Variants in PCDHA8 observed in about 807,000 individuals in gnomAD.
The protein encoded by PCDHA8 is protocadherin alpha-8.
A neutral mutation model predicts 61.8 loss-of-function variants in PCDHA8; 53 were observed. The observed-to-expected ratio is 0.86, with a 90% CI of 0.69 to 1.08. The LOEUF (loss-of-function observed/expected upper bound fraction) is 1.08, where lower values mean the gene tolerates loss of function less well. Ranked by LOEUF, PCDHA8 falls within the 50% of genes least tolerant of loss-of-function variation. The probability of loss-of-function intolerance (pLI) is 0.00; values close to 1 mark genes in which losing one functional copy is unlikely to be tolerated. For synonymous variants in PCDHA8, 618 were observed against 556.6 expected (o/e 1.11, Z -1.55); for missense variants, 1,293 against 1,245.0 (o/e 1.04, Z -0.58).
At chr5:140,900,058 C>G (rs1013599044) in intron 1 of PCDHA8, among the ~76,000 whole-genome samples, 1 of 152,160 alleles carries the variant, frequency 6.6e-6, no homozygotes, top group Non-Finnish European at 1.5e-5. Flanking sequence ...GATCCTTTAA[C>G]CTCAGCCTCC....
chr5:140,972,660 AT>A (rs11350929), intron 1 of PCDHA8, among the ~76,000 whole-genome samples: 34,850 of 117,234 alleles, frequency 0.3, 4,025 homozygotes, highest in East Asian at 0.43. Context: ...AAGAAACCAA[AT>A]TTTTTTTTTT....
At chr5:140,974,377 A>G (rs1356669539) in intron 1 of PCDHA8, among the ~76,000 whole-genome samples, 1 of 152,190 alleles carries the variant, frequency 6.6e-6, no homozygotes, top group Non-Finnish European at 1.5e-5. Flanking sequence ...TTTCTGTTGT[A>G]CTGGAACCCA....
At chr5:140,974,894 A>C (rs1554236433) in intron 1 of PCDHA8, among the ~76,000 whole-genome samples, 2 of 152,184 alleles carry the variant, frequency 1.3e-5, no homozygotes, top group Admixed American at 6.5e-5. Context: ...TTTTCTGATG[A>C]TTTGTAACAA....
At chr5:140,965,689 A>T (rs2095924180) in intron 1 of PCDHA8, among the ~76,000 whole-genome samples, 2 of 152,266 alleles carry the variant, frequency 1.3e-5, no homozygotes, top group African/African-American at 4.8e-5. Context: ...TTGAAGCAAG[A>T]TTAGAAAAAG....
chr5:140,850,583 C>T, intron 1 of PCDHA8: 2 of 1,598,412 alleles, frequency 1.3e-6, no homozygotes, highest in South Asian at 1.1e-5. Context: ...TGGTGGATGT[C>T]AACGTGTACC....
chr5:140,852,464 G>A (rs2042343085), intron 1 of PCDHA8: 1 of 189,256 alleles, frequency 5.3e-6, no homozygotes, highest in Non-Finnish European at 1.1e-5. Context: ...TTTTAGTAGA[G>A]ATGGGGTTTC....
At chr5:140,877,549 C>T in intron 1 of PCDHA8, 1 of 1,613,788 alleles carries the variant, frequency 6.2e-7, no homozygotes, top group Non-Finnish European at 8.5e-7. Flanking sequence ...CGAAGCGGCT[C>T]TGGTGGATAT....
intron 1 of PCDHA8, among the ~76,000 whole-genome samples, chr5:140,906,752 G>A (rs1328101001): frequency 6.6e-6 from 1 of 152,152 alleles, no homozygotes; most frequent in Non-Finnish European, 1.5e-5. Context: ...ACAGGGCATG[G>A]TAATACTAAG....
chr5:140,888,129 A>G (rs2061706592), intron 1 of PCDHA8, among the ~76,000 whole-genome samples: 2 of 152,024 alleles, frequency 1.3e-5, no homozygotes, highest in Admixed American at 1.3e-4. Flanking sequence ...CTATGGATAT[A>G]TTTTCTTGCT....
chr5:140,882,490 T>C, intron 1 of PCDHA8: 1 of 1,614,024 alleles, frequency 6.2e-7, no homozygotes, highest in Non-Finnish European at 8.5e-7. Context: ...ACGGGGACCT[T>C]CTGGAGGTAA....
intron 3 of PCDHA8, among the ~76,000 whole-genome samples, chr5:141,006,182 T>G (rs1388785445): frequency 1.3e-5 from 2 of 151,170 alleles, no homozygotes; most frequent in Non-Finnish European, 2.9e-5. Flanking sequence ...TTTAAAAGAG[T>G]TTGCTATATG....
rs2150326977 is a variant in PCDHA8, at chr5:140,841,986, T to C, written c.665T>C (p.Leu222Pro). ...GCCACAGATGGGGGCAAACCTGAGCTCACAGGCACTGTTCAGCTGCTGGTC... is the reference window on the plus strand; with the variant it reads ...GCCACAGATGGGGGCAAACCTGAGCCCACAGGCACTGTTCAGCTGCTGGTC... ...LTATDGGKPELTGTVQLLVTV... is the reference protein window; with the variant it reads ...LTATDGGKPEPTGTVQLLVTV... Residue 222 changes from leucine to proline, a missense_variant, in exon 1 of 4, where the codon CTC becomes CCC. Transcript: ENST00000531613. 2 of 1,613,792 alleles carry C rather than the reference T, an allele frequency of 1.2e-6. 1 individual carries two copies. The highest frequency in any genetic ancestry group is 4.5e-5 in the East Asian group (2 of 44,836).
At chr5:140,906,609 T>C (rs376857630) in intron 1 of PCDHA8, among the ~76,000 whole-genome samples, 2 of 152,348 alleles carry the variant, frequency 1.3e-5, no homozygotes, top group East Asian at 3.9e-4. Flanking sequence ...TCATTCTGTA[T>C]TCCCTTTGCC....
intron 1 of PCDHA8, chr5:140,863,153 A>T (rs1554157836): frequency 1.6e-6 from 1 of 625,716 alleles, no homozygotes; most frequent in South Asian, 1.4e-5. Flanking sequence ...GTGAAGGACC[A>T]CTGCGAGCTG....
intron 1 of PCDHA8, among the ~76,000 whole-genome samples, chr5:140,952,040 G>T (rs1243206064): frequency 1.3e-5 from 2 of 152,216 alleles, no homozygotes; most frequent in African/African-American, 4.8e-5. Context: ...CAGTAGGGCA[G>T]TTATTAAATC....
chr5:140,964,949 G>A (rs1322269042), intron 1 of PCDHA8, among the ~76,000 whole-genome samples: 1 of 152,226 alleles, frequency 6.6e-6, no homozygotes, highest in Non-Finnish European at 1.5e-5. Flanking sequence ...TAGTGAGTGT[G>A]CTTGGTTGGT....
At chr5:140,962,280 A>C (rs1244354033) in intron 1 of PCDHA8, among the ~76,000 whole-genome samples, 1 of 152,224 alleles carries the variant, frequency 6.6e-6, no homozygotes, top group Non-Finnish European at 1.5e-5. Flanking sequence ...AAAAAACCTC[A>C]ACCTTTAATA....
intron 1 of PCDHA8, among the ~76,000 whole-genome samples, chr5:140,945,046 A>T (rs2093731107): frequency 6.6e-6 from 1 of 152,192 alleles, no homozygotes; most frequent in Non-Finnish European, 1.5e-5. Flanking sequence ...TTGGTCTTAT[A>T]TAAAGAAAAC....
At chr5:140,897,467 C>T (rs1427386129) in intron 1 of PCDHA8, among the ~76,000 whole-genome samples, 11 of 151,912 alleles carry the variant, frequency 7.2e-5, no homozygotes, top group Non-Finnish European at 7.4e-5. Flanking sequence ...CGATAGTTTA[C>T]TGAGAATGAT....
Sources: allele counts gnomAD v4.1 joint callset (sites outside exome capture counted in the v4.1 genomes callset), GRCh38; gene constraint gnomAD v4.1.1; transcripts MANE v1.5; gene names NCBI Gene and HGNC (gene_info 2026-07-23, HGNC 2026-07-21).